The following UBAP2 variants were observed in gnomAD, a reference collection of about 807,000 sequenced individuals.
The protein encoded by UBAP2 is ubiquitin associated protein 2, also known as ubiquitin-associated protein 2.
UBAP2 carries 75 observed loss-of-function variants against 139.6 expected under a neutral mutation model. That is an observed-to-expected ratio of 0.54 (90% CI 0.45 to 0.65). UBAP2 has a LOEUF of 0.65. Among genes scored for constraint, UBAP2 ranks in the 30% least tolerant of loss-of-function variants. UBAP2 has a pLI of 0.00. For synonymous variants in UBAP2, 526 were observed against 526.2 expected (o/e 1.00, Z 0.01); for missense variants, 1,368 against 1,369.6 (o/e 1.00, Z 0.02).
intron 19 of UBAP2, among the ~76,000 whole-genome samples, chr9:33,931,917 G>C (rs1824017357): frequency 6.6e-6 from 1 of 151,966 alleles, no homozygotes; most frequent in Non-Finnish European, 1.5e-5. Context: ...CCTCCCAATA[G>C]AGGCTCCAGC....
At chr9:33,953,181 T>TTTTTATA in intron 12 of UBAP2, 104 bp downstream of exon 12, 1 of 1,165,836 alleles carries the variant, frequency 8.6e-7, no homozygotes, top group Admixed American at 2.9e-5. Flanking sequence ...ACTGTAGATA[T>TTTTTATA]TTTTATATTT....
chr9:34,020,707 T>C (rs1489197642), intron 1 of UBAP2, among the ~76,000 whole-genome samples: 2 of 151,232 alleles, frequency 1.3e-5, no homozygotes, highest in Non-Finnish European at 2.9e-5. Flanking sequence ...TCACCCAAGC[T>C]GGAGTGCAGT....
intron 1 of UBAP2, among the ~76,000 whole-genome samples, chr9:34,041,700 C>T (rs954063665): frequency 6.6e-6 from 1 of 152,016 alleles, no homozygotes; most frequent in Non-Finnish European, 1.5e-5. Flanking sequence ...AGCAAGACTC[C>T]GTCTTATAAA....
At chr9:33,926,339 G>C (rs1824208914) in intron 22 of UBAP2, among the ~76,000 whole-genome samples, 2 of 152,194 alleles carry the variant, frequency 1.3e-5, no homozygotes, top group Admixed American at 1.3e-4. Context: ...GAGGAGGGAA[G>C]ATAAGGACCA....
At chr9:34,014,610 CAGA>C (rs953118049) in intron 2 of UBAP2, among the ~76,000 whole-genome samples, 25 of 151,820 alleles carry the variant, frequency 1.6e-4, no homozygotes, top group Middle Eastern at 3.4e-3. Flanking sequence ...GCCTGGGCGA[CAGA>C]AGGAGACTCC....
intron 8 of UBAP2, chr9:33,968,239 A>C (rs562118861): frequency 1.6e-6 from 1 of 622,196 alleles, no homozygotes; most frequent in African/African-American, 1.8e-5. Flanking sequence ...CCTCCATTGT[A>C]AACAGGAAGC....
intron 2 of UBAP2, among the ~76,000 whole-genome samples, chr9:34,013,736 G>T (rs1337630775): frequency 6.6e-6 from 1 of 151,782 alleles, no homozygotes; most frequent in African/African-American, 2.4e-5. Flanking sequence ...AATTAGCCAG[G>T]CATGGTGATA....
intron 20 of UBAP2, among the ~76,000 whole-genome samples, chr9:33,927,516 A>G (rs528465040): frequency 2.0e-4 from 30 of 152,318 alleles, no homozygotes; most frequent in Admixed American, 5.2e-4. Flanking sequence ...GGAGCCCACC[A>G]TAAGTCATCC....
In UBAP2 at chr9:33,924,290, A is replaced by G. The variant is rs774987865; in HGVS notation, c.2512-6T>C. ...AAGGGAATTCCATAGTAGTCCTAGG[A>G]GAGACCAGGGAGGCTTGATCAGCGA... On this transcript the variant is annotated splice_region_variant and splice_polypyrimidine_tract_variant and intron_variant, in intron 22 of 28. Transcript: ENST00000379238. The G allele has an allele frequency of 1.5e-5, 24 of 1,612,980 alleles. No individual in the cohort carries two copies. In the South Asian group the frequency reaches 2.5e-4, roughly 17 times the overall value.
chr9:33,983,523 A>G (rs1206140482), intron 6 of UBAP2, among the ~76,000 whole-genome samples: 1 of 152,192 alleles, frequency 6.6e-6, no homozygotes, highest in African/African-American at 2.4e-5. Flanking sequence ...TGATATTTTA[A>G]CCAGAACAGG....
intron 1 of UBAP2, among the ~76,000 whole-genome samples, chr9:34,029,821 C>G (rs1825733316): frequency 6.6e-6 from 1 of 150,898 alleles, no homozygotes; most frequent in Non-Finnish European, 1.5e-5. Flanking sequence ...AAACCCATCT[C>G]TACTAAAAAT....
At position 34,016,987 on chromosome 9, in the gene UBAP2, C is replaced by T. The variant is rs548642824; in HGVS notation, c.99+63G>A. On this transcript the variant is annotated intron_variant, in intron 2 of 28. Transcript: ENST00000379238. ...AACAAGAGTTCCACATACCCTAAAACTTCAAGTATAATAATAAAAGAAAAA... is the reference window on the plus strand; with the variant it reads ...AACAAGAGTTCCACATACCCTAAAATTTCAAGTATAATAATAAAAGAAAAA... 8.1e-4 allele frequency: 975 copies of T among 1,203,646 alleles called. 2 individuals carry two copies. Among genetic ancestry groups the T allele is most frequent in the Non-Finnish European group, 1.0e-3 (906 of 864,992 alleles). 74.6% of individuals were successfully genotyped at this position (1,203,646 alleles called of 1,614,324 possible). A position where few individuals can be genotyped will look rare whatever the true frequency, so the allele number is the denominator to read the frequency against.
intron 27 of UBAP2, 28 bp from the exon 28 acceptor site, chr9:33,922,906 G>A (rs767966601): frequency 1.2e-6 from 2 of 1,612,702 alleles, no homozygotes; most frequent in African/African-American, 1.3e-5. Context: ...CAATGGTGAA[G>A]GTCAGGTTGG....
intron 1 of UBAP2, among the ~76,000 whole-genome samples, chr9:34,039,011 C>A (rs1826759074): frequency 1.3e-5 from 2 of 150,838 alleles, no homozygotes; most frequent in Admixed American, 6.6e-5. Context: ...GCCCGGCCGA[C>A]CCGTCTGAGA....
At chr9:33,973,144 G>C (rs757805140) in intron 7 of UBAP2, 39 bp downstream of exon 7, 1 of 1,592,584 alleles carries the variant, frequency 6.3e-7, no homozygotes, top group Non-Finnish European at 8.6e-7. Context: ...AAAAACTAGG[G>C]AAGTAAATAA....
intron 19 of UBAP2, among the ~76,000 whole-genome samples, chr9:33,931,629 G>A (rs902812223): frequency 1.3e-5 from 2 of 152,202 alleles, no homozygotes; most frequent in Non-Finnish European, 2.9e-5. Flanking sequence ...TATGATAAAA[G>A]ATTCTGTGTA....
At position 33,944,523 on chromosome 9, in the gene UBAP2, C is replaced by A. The variant is rs750040777; in HGVS notation, c.1387G>T (p.Ala463Ser). 3 of 1,614,024 alleles carry A rather than the reference C, an allele frequency of 1.9e-6. No individual in the cohort carries two copies. Among genetic ancestry groups the A allele is most frequent in the Admixed American group, 3.3e-5 (2 of 59,994 alleles). ...CCAGGTGTTGATTCTCGAAGTTTTG[C>A]CTGGGAAGGAAAGGACTCCAAACCA... ...PPGLESFPSQ[A>S]KLRESTPGDS... Residue 463 changes from alanine to serine, a missense_variant, in exon 14 of 29, where the codon GCA (alanine) becomes TCA (serine). Coordinates refer to ENST00000379238, the MANE Select transcript of UBAP2 (RefSeq NM_001370062.2).
chr9:33,926,954 A>G, intron 21 of UBAP2, 35 bp downstream of exon 21: 2 of 1,600,430 alleles, frequency 1.2e-6, no homozygotes, highest in African/African-American at 1.3e-5. Flanking sequence ...AGGCCAGGGG[A>G]GCTGGGCAGG....
At chr9:33,966,049 CA>C (rs139014566) in intron 8 of UBAP2, among the ~76,000 whole-genome samples, 15 of 145,806 alleles carry the variant, frequency 1.0e-4, no homozygotes, top group African/African-American at 3.8e-4. Flanking sequence ...GACTCCATCT[CA>C]AAAAAATAAA....
Sources: allele counts gnomAD v4.1 joint callset (sites outside exome capture counted in the v4.1 genomes callset), GRCh38; gene constraint gnomAD v4.1.1; transcripts MANE v1.5; gene names NCBI Gene and HGNC (gene_info 2026-07-23, HGNC 2026-07-21).